The following KCNMA1 variants were observed in gnomAD, a reference collection of about 807,000 sequenced individuals.
The protein encoded by KCNMA1 is Calcium-activated potassium channel subunit alpha-1.
A neutral mutation model predicts 140.0 loss-of-function variants in KCNMA1; 29 were observed. The observed-to-expected ratio is 0.21, with a 90% confidence interval of 0.15 to 0.28. The LOEUF (loss-of-function observed/expected upper bound fraction) is 0.28. Ranked by LOEUF, KCNMA1 falls within the 10% of genes least tolerant of loss-of-function variation. The pLI is 1.00. For missense variants in KCNMA1, 880 were observed against 1,602.2 expected (o/e 0.55, Z 7.70); for synonymous variants, 612 against 611.9 (o/e 1.00, Z 0.00).
chr10:76,925,193 A>G (rs1006478404), intron 23 of KCNMA1, among the ~76,000 whole-genome samples: 3 of 152,208 alleles, frequency 2.0e-5, no homozygotes, highest in Non-Finnish European at 4.4e-5. Flanking sequence ...GTTGTTAAGC[A>G]TCTTTAATTC....
At chr10:77,609,569 G>A (rs1309002968) in intron 1 of KCNMA1, among the ~76,000 whole-genome samples, 1 of 152,138 alleles carries the variant, frequency 6.6e-6, no homozygotes, top group East Asian at 1.9e-4. Context: ...CTTGAAAACT[G>A]CTAAGAAAAG....
At chr10:76,995,191 A>G (rs1289211505) in intron 19 of KCNMA1, 2 of 163,658 alleles carry the variant, frequency 1.2e-5, no homozygotes, top group African/African-American at 4.8e-5. Context: ...GTCTTCCCAG[A>G]GGCCCATTTA....
chr10:77,251,294 G>A, intron 2 of KCNMA1, 38 bp from the exon 3 acceptor site: 1 of 1,549,254 alleles, frequency 6.5e-7, no homozygotes, highest in Non-Finnish European at 8.9e-7. Flanking sequence ...CTTAAGAGTT[G>A]GACCTCAGGA....
chr10:77,058,061 G>A (rs994562223), intron 14 of KCNMA1, among the ~76,000 whole-genome samples: 13 of 151,866 alleles, frequency 8.6e-5, no homozygotes, highest in Non-Finnish European at 1.6e-4. Flanking sequence ...AAACAAAAAA[G>A]AGGAGAAAAG....
chr10:77,168,021 C>T (rs2098663003), intron 5 of KCNMA1, among the ~76,000 whole-genome samples: 1 of 152,094 alleles, frequency 6.6e-6, no homozygotes. Flanking sequence ...TCATCTTGCT[C>T]CTAGCCTATT....
intron 1 of KCNMA1, among the ~76,000 whole-genome samples, chr10:77,540,838 T>A (rs2060007711): frequency 6.6e-6 from 1 of 151,966 alleles, no homozygotes; most frequent in African/African-American, 2.4e-5. Flanking sequence ...CCAACTCTAC[T>A]AAAAATACAC....
intron 2 of KCNMA1, among the ~76,000 whole-genome samples, chr10:77,369,687 A>G (rs1379890037): frequency 6.6e-6 from 1 of 152,210 alleles, no homozygotes; most frequent in African/African-American, 2.4e-5. Flanking sequence ...ACAACATTCC[A>G]GAAGTTTTAA....
rs140737897 is a variant in KCNMA1, at chr10:77,127,767, G to C, written c.809-6719C>G. 6.4e-3 allele frequency among the ~76,000 whole-genome samples: 968 copies of C among 152,226 alleles called. 8 individuals carry two copies. Among genetic ancestry groups the C allele is most frequent in the African/African-American group, 0.022 (922 of 41,534 alleles). ...GTGGACTGATCACTTGAGGTCAGGA[G>C]TTCGAGACCAGCCTGGCCAACATGG... On this transcript the variant is annotated intron_variant, in intron 5 of 27. Transcript: ENST00000286628.
chr10:77,053,902 G>C (rs941155191), intron 14 of KCNMA1, among the ~76,000 whole-genome samples: 1 of 152,106 alleles, frequency 6.6e-6, no homozygotes, highest in Non-Finnish European at 1.5e-5. Flanking sequence ...AGGGAGCTAA[G>C]AGAGGTTCAG....
downstream of KCNMA1, chr10:76,883,953 TATC>T (rs2035726149): frequency 3.1e-5 from 30 of 959,160 alleles, no homozygotes; most frequent in South Asian, 1.3e-3. Flanking sequence ...TCATCAAATT[TATC>T]ATTAGTCAAA....
chr10:77,095,611 T>C (rs1219671761), intron 9 of KCNMA1, among the ~76,000 whole-genome samples: 1 of 152,142 alleles, frequency 6.6e-6, no homozygotes, highest in African/African-American at 2.4e-5. Context: ...CTATTGAGGG[T>C]CACCATAAAT....
intron 1 of KCNMA1, among the ~76,000 whole-genome samples, chr10:77,442,497 G>A (rs1305329265): frequency 6.6e-6 from 1 of 152,112 alleles, no homozygotes; most frequent in Admixed American, 6.5e-5. Context: ...GGCCTCTTGG[G>A]TCTGCTACTT....
chr10:77,263,356 G>T (rs575065928), intron 2 of KCNMA1, among the ~76,000 whole-genome samples: 1 of 151,998 alleles, frequency 6.6e-6, no homozygotes, highest in South Asian at 2.1e-4. Flanking sequence ...TTTGTCTTTC[G>T]GTAACTGTAG....
intron 1 of KCNMA1, among the ~76,000 whole-genome samples, chr10:77,407,332 G>C (rs996666036): frequency 6.6e-6 from 1 of 152,200 alleles, no homozygotes; most frequent in Non-Finnish European, 1.5e-5. Context: ...CTCTTATGGG[G>C]AGCAGGCATT....
chr10:77,506,174 T>C (rs997980410), intron 1 of KCNMA1, among the ~76,000 whole-genome samples: 2 of 152,178 alleles, frequency 1.3e-5, no homozygotes, highest in African/African-American at 4.8e-5. Flanking sequence ...CCTCTGGCTC[T>C]TGTGTAGAGC....
intron 23 of KCNMA1, among the ~76,000 whole-genome samples, chr10:76,926,989 G>A (rs1316244546): frequency 6.6e-6 from 1 of 152,078 alleles, no homozygotes; most frequent in Non-Finnish European, 1.5e-5. Context: ...TCATTCATTT[G>A]CTGCTATGCG....
chr10:76,891,949 G>A (rs909164160), intron 25 of KCNMA1, among the ~76,000 whole-genome samples: 4 of 152,086 alleles, frequency 2.6e-5, no homozygotes, highest in African/African-American at 9.7e-5. Flanking sequence ...CCCAGTTCAG[G>A]GGATTTTTTA....
At chr10:77,036,121 C>T (rs1019858783) in intron 15 of KCNMA1, among the ~76,000 whole-genome samples, 6 of 152,202 alleles carry the variant, frequency 3.9e-5, no homozygotes, top group Admixed American at 3.9e-4. Context: ...CTTCATCTTT[C>T]TCCTGCGCTG....
intron 20 of KCNMA1, 104 bp from the exon 21 acceptor site, chr10:76,954,028 A>T (rs1260810239): frequency 1.5e-6 from 2 of 1,312,336 alleles, no homozygotes; most frequent in African/African-American, 1.5e-5. Context: ...ATGCAGAGGA[A>T]GTGGTTGTCA....
Sources: gnomAD v4.1 joint callset for allele counts (sites outside exome capture counted in the v4.1 genomes callset) on GRCh38, gnomAD v4.1.1 for gene constraint, MANE v1.5 for transcripts, NCBI Gene and HGNC (gene_info 2026-07-23, HGNC 2026-07-21) for gene names.